Variants in SPAG6 observed in about 807,000 individuals in gnomAD.
The protein encoded by SPAG6 is sperm associated antigen 6, also known as sperm-associated antigen 6.
SPAG6 carries 49 observed loss-of-function variants against 58.5 expected under a neutral mutation model. That is an observed-to-expected ratio of 0.84 (90% CI 0.67 to 1.06). SPAG6 has a LOEUF of 1.06. Ranked by LOEUF, SPAG6 falls within the 50% of genes least tolerant of loss-of-function variation. The pLI is 0.00. For synonymous variants in SPAG6, 233 were observed against 225.6 expected (o/e 1.03, Z -0.29); for missense variants, 560 against 611.3 (o/e 0.92, Z 0.89).
At chr10:22,406,758 T>A (rs984863585) in intron 9 of SPAG6, among the ~76,000 whole-genome samples, 15 of 152,264 alleles carry the variant, frequency 9.9e-5, no homozygotes, top group Admixed American at 7.2e-4. Flanking sequence ...CCCATTATTA[T>A]TGTGTGGGAG....
At chr10:22,355,856 A>G (rs1836850761) in intron 2 of SPAG6, among the ~76,000 whole-genome samples, 2 of 152,228 alleles carry the variant, frequency 1.3e-5, no homozygotes, top group South Asian at 4.1e-4. Context: ...GAGGAACACA[A>G]ATAATTTTAA....
At chr10:22,346,242 G>A (rs1247477200) in intron 2 of SPAG6, among the ~76,000 whole-genome samples, 1 of 152,134 alleles carries the variant, frequency 6.6e-6, no homozygotes, top group East Asian at 1.9e-4. Flanking sequence ...TTTAGTGAAA[G>A]GGGAATGATA....
chr10:22,381,567 G>C (rs796795050), intron 4 of SPAG6, among the ~76,000 whole-genome samples: 6 of 147,976 alleles, frequency 4.1e-5, no homozygotes, highest in African/African-American at 1.5e-4. Context: ...TTACTTTCCC[G>C]GGCCCTGTGG....
At chr10:22,347,712 G>A (rs974638628) in intron 2 of SPAG6, among the ~76,000 whole-genome samples, 2 of 152,162 alleles carry the variant, frequency 1.3e-5, no homozygotes, top group Admixed American at 1.3e-4. Flanking sequence ...CAAATTGACT[G>A]TATAAGTGGC....
chr10:22,410,965 C>T (rs867006294), intron 9 of SPAG6, 66 bp from the exon 10 acceptor site: 2 of 1,513,852 alleles, frequency 1.3e-6, no homozygotes, highest in African/African-American at 1.4e-5. Flanking sequence ...TACAGTATTG[C>T]TTTTCAATAG....
chr10:22,355,224 G>A (rs1324029220), intron 2 of SPAG6, among the ~76,000 whole-genome samples: 3 of 152,178 alleles, frequency 2.0e-5, no homozygotes, highest in Admixed American at 6.5e-5. Context: ...GCATAGACGC[G>A]AGCCATGAAG....
intron 2 of SPAG6, among the ~76,000 whole-genome samples, chr10:22,346,912 C>T (rs1268677716): frequency 1.3e-5 from 2 of 152,130 alleles, no homozygotes; most frequent in African/African-American, 4.8e-5. Context: ...ACAGAGAGAT[C>T]CCGTGTACCC....
chr10:22,406,443 C>T lies in SPAG6; in HGVS notation c.1315-4588C>T, dbSNP rs1049099426. On this transcript the variant is annotated intron_variant, in intron 9 of 10. Transcript: ENST00000376624. ...GTTGTTCAGTTTCCATGTAGTTGAG[C>T]GGTTTTGAGTAAGATTCTTAATCCT... Among the ~76,000 whole-genome samples the T allele has an allele frequency of 2.0e-4, 31 of 152,142 alleles. 1 individual carries two copies. The highest frequency in any genetic ancestry group is 1.9e-3 in the South Asian group (9 of 4,816).
intron 9 of SPAG6, among the ~76,000 whole-genome samples, chr10:22,402,851 G>A (rs1450357474): frequency 4.6e-5 from 7 of 152,148 alleles, no homozygotes; most frequent in Non-Finnish European, 1.0e-4. Context: ...AAGGGGTAAG[G>A]GGCTGAGTAG....
intron 9 of SPAG6, among the ~76,000 whole-genome samples, chr10:22,402,817 C>T (rs1834446751): frequency 6.6e-6 from 1 of 152,136 alleles, no homozygotes; most frequent in South Asian, 2.1e-4. Flanking sequence ...AGGTGACCAG[C>T]TAATTTGGTC....
At chr10:22,347,607 A>C (rs1440623126) in intron 2 of SPAG6, among the ~76,000 whole-genome samples, 1 of 152,206 alleles carries the variant, frequency 6.6e-6, no homozygotes, top group East Asian at 1.9e-4. Flanking sequence ...AAGTATACAT[A>C]ACTTTTAAGA....
At chr10:22,355,269 A>G (rs1002194184) in intron 2 of SPAG6, among the ~76,000 whole-genome samples, 4 of 152,174 alleles carry the variant, frequency 2.6e-5, no homozygotes, top group Admixed American at 6.5e-5. Flanking sequence ...TGAGGGTTAC[A>G]TGGGTTACTA....
At chr10:22,400,147 C>T (rs755133024) in intron 8 of SPAG6, among the ~76,000 whole-genome samples, 18 of 152,140 alleles carry the variant, frequency 1.2e-4, no homozygotes, top group South Asian at 2.1e-4. Flanking sequence ...CACAATGCTC[C>T]TTGACATTTC....
At chr10:22,404,755 T>A (rs557856746) in intron 9 of SPAG6, among the ~76,000 whole-genome samples, 4 of 147,402 alleles carry the variant, frequency 2.7e-5, no homozygotes, top group African/African-American at 1.0e-4. Flanking sequence ...ATATTGATTC[T>A]TCCTACCCAT....
chr10:22,391,874 T>C lies in SPAG6; in HGVS notation c.1151T>C (p.Leu384Pro). The C allele has an allele frequency of 1.2e-6, 2 of 1,613,512 alleles. No individual in the cohort carries two copies. Among genetic ancestry groups the C allele is most frequent in the South Asian group, 2.2e-5 (2 of 91,052 alleles). ...VAVTNTLPVL[L>P]SLYMSTESSE... is the part of the protein sequence containing the mutation. ...GTCACAAATACTTTGCCAGTTCTGC[T>C]TTCTTTGTACATGTCAACAGAAAGT... is the stretch of plus-strand genomic sequence containing the variant. Residue 384 changes from leucine to proline, a missense_variant, in exon 8 of 11, where the codon CTT becomes CCT. Physicochemically the swap from Leu to Pro is moderately conservative, Grantham distance 98 (BLOSUM62 -3). Coordinates refer to ENST00000376624, the MANE Select transcript of SPAG6 (RefSeq NM_012443.4).
intron 9 of SPAG6, among the ~76,000 whole-genome samples, chr10:22,408,795 G>T (rs1000978930): frequency 6.6e-6 from 1 of 152,230 alleles, no homozygotes; most frequent in African/African-American, 2.4e-5. Context: ...GAGACTCTGT[G>T]GGGGTAGGAC....
intron 4 of SPAG6, among the ~76,000 whole-genome samples, chr10:22,371,761 T>G (rs925814554): frequency 3.7e-4 from 57 of 152,288 alleles, no homozygotes; most frequent in Non-Finnish European, 2.2e-4. Context: ...GAAACAAAAT[T>G]AAAATAAGCA....
chr10:22,381,387 A>G (rs1833952285), intron 4 of SPAG6, among the ~76,000 whole-genome samples: 2 of 152,186 alleles, frequency 1.3e-5, no homozygotes, highest in South Asian at 2.1e-4. Context: ...TTAAAAAAAA[A>G]AAGTCCTGAC....
rs1046628572 is a variant in SPAG6, at chr10:22,407,277, G to A, written c.1315-3754G>A. Among the ~76,000 whole-genome samples, 121 of 152,034 alleles carry A rather than the reference G, an allele frequency of 8.0e-4. 1 individual carries two copies. Among genetic ancestry groups the A allele is most frequent in the African/African-American group, 2.9e-3 (119 of 41,458 alleles). On this transcript the variant is annotated intron_variant, in intron 9 of 10. Transcript: ENST00000376624. ...GCATGATTTTGCAGCAGCTGGTATCGGTTGTTTCTTTCCATGTTTAGCGCT... is the reference window on the plus strand; with the variant it reads ...GCATGATTTTGCAGCAGCTGGTATCAGTTGTTTCTTTCCATGTTTAGCGCT...
Sources: allele counts gnomAD v4.1 joint callset (sites outside exome capture counted in the v4.1 genomes callset), GRCh38; gene constraint gnomAD v4.1.1; transcripts MANE v1.5; gene names NCBI Gene and HGNC (gene_info 2026-07-23, HGNC 2026-07-21).